UQCC1: variants seen among roughly 807,000 people sequenced by gnomAD.
The protein encoded by UQCC1 is ubiquinol-cytochrome c reductase complex assembly factor 1, also known as bFGF-repressed Zic-binding protein.
Under a neutral mutation model 48.0 loss-of-function variants are expected in UQCC1, and 38 were observed. That is an observed-to-expected ratio of 0.79 (90% CI 0.61 to 1.04). The LOEUF (loss-of-function observed/expected upper bound fraction) is 1.04. Ranked by LOEUF, UQCC1 falls within the 50% of genes least tolerant of loss-of-function variation. The probability of loss-of-function intolerance (pLI) is 0.00; values close to 1 mark genes in which losing one functional copy is unlikely to be tolerated. For synonymous variants in UQCC1, 111 were observed against 129.2 expected (o/e 0.86, Z 0.95); for missense variants, 368 against 381.8 (o/e 0.96, Z 0.30).
At chr20:35,337,860 T>C (rs988990893) in intron 7 of UQCC1, among the ~76,000 whole-genome samples, 1 of 152,142 alleles carries the variant, frequency 6.6e-6, no homozygotes, top group Admixed American at 6.5e-5. Flanking sequence ...TAATCCCACC[T>C]TTCTGCCTTT....
In UQCC1 at chr20:35,387,412, A is replaced by G. The variant is rs1161485630; in HGVS notation, c.130-3279T>C. ...TGTGTGTCTGCTCCTTTTAGCAACT[A>G]TAAGCTCCAGGGCACAGCCCATCTT... On this transcript the variant is annotated intron_variant, in intron 2 of 9. Transcript: ENST00000374385. Among the ~76,000 whole-genome samples, 3 of 152,186 alleles carry G rather than the reference A, an allele frequency of 2.0e-5. No homozygotes were observed. In the East Asian group the frequency reaches 5.8e-4, roughly 29 times the overall value.
rs987346137 is a variant in UQCC1, at chr20:35,365,154, T to C, written c.464+1403A>G. Among the ~76,000 whole-genome samples, 25 of 152,222 alleles carry C rather than the reference T, an allele frequency of 1.6e-4. 1 individual carries two copies. The highest frequency in any genetic ancestry group is 2.9e-5 in the Non-Finnish European group (2 of 68,044). On this transcript the variant is annotated intron_variant, in intron 6 of 9. Transcript: ENST00000374385. ...TTCAAAGAACTAACAGGTAGAAGTA[T>C]AAGGGTTTTGATAGTTGCAGCTTCC...
intron 3 of UQCC1, among the ~76,000 whole-genome samples, chr20:35,382,891 G>C (rs1041336734): frequency 5.3e-5 from 8 of 152,204 alleles, no homozygotes; most frequent in Middle Eastern, 3.4e-3. Context: ...CCAAATTTCA[G>C]AGCAAGACAT....
In UQCC1 at chr20:35,314,817, C is replaced by A. The variant is rs761010682; in HGVS notation, c.574-52G>T. The A allele has an allele frequency of 2.7e-6, 4 of 1,478,426 alleles. No individual in the cohort carries two copies. The Admixed American group carries it at 6.9e-5, about 25-fold the overall frequency. The allele number at this position is 1,478,426 out of a possible 1,614,324, so 91.6% of individuals were successfully genotyped here. A position where few individuals can be genotyped will look rare whatever the true frequency, so the allele number is the denominator to read the frequency against. On this transcript the variant is annotated intron_variant, in intron 7 of 9. Coordinates refer to ENST00000374385, the MANE Select transcript of UQCC1 (RefSeq NM_018244.5). ...AGTTTGAAAGAAAGAAAGAAAAAAA[C>A]CCAAAAAGTATGATCTTTGACTCTT...
chr20:35,388,794 G>A (rs1361026002), intron 2 of UQCC1, among the ~76,000 whole-genome samples: 1 of 152,206 alleles, frequency 6.6e-6, no homozygotes, highest in African/African-American at 2.4e-5. Context: ...GCTGGGTGCG[G>A]TGGCTCATGC....
Position 35,303,852 on chromosome 20 carries a change from C to T in UQCC1, c.*83G>A, listed in dbSNP as rs1278005699. On this transcript the variant is annotated 3_prime_UTR_variant, in exon 10 of 10. Transcript: ENST00000374385. ...TTCAGAGGTCAGTTCAGGCCACTTT[C>T]TGCAGGGTCCTGGACCAACAGGCAC... 2 of 1,596,300 alleles carry T rather than the reference C, an allele frequency of 1.3e-6. No individual in the cohort carries two copies. Among genetic ancestry groups the T allele is most frequent in the Non-Finnish European group, 1.7e-6 (2 of 1,166,836 alleles).
chr20:35,359,806 G>A (rs2061586307), intron 6 of UQCC1, among the ~76,000 whole-genome samples: 1 of 152,170 alleles, frequency 6.6e-6, no homozygotes, highest in Admixed American at 6.5e-5. Context: ...TCAAGCCCCA[G>A]CAGTGTGCTA....
At chr20:35,356,996 A>T (rs796551473) in intron 6 of UQCC1, among the ~76,000 whole-genome samples, 1 of 152,274 alleles carries the variant, frequency 6.6e-6, no homozygotes, top group Non-Finnish European at 1.5e-5. Flanking sequence ...TTCAACAGGT[A>T]CAACTCAGAG....
intron 8 of UQCC1, chr20:35,307,100 GAGAAACAGTAGC>G (rs961490146): frequency 4.9e-6 from 2 of 408,922 alleles, no homozygotes; most frequent in African/African-American, 4.1e-5. Context: ...AGGCTGAGAA[GAGAAACAGTAGC>G]AGCAATGCTC....
intron 2 of UQCC1, among the ~76,000 whole-genome samples, chr20:35,389,064 T>TA (rs1334132447): frequency 6.6e-6 from 1 of 151,492 alleles, no homozygotes; most frequent in African/African-American, 2.4e-5. Flanking sequence ...AGACTCCATC[T>TA]AAAAATAAAA....
At chr20:35,381,336 G>C (rs1361683805) in intron 4 of UQCC1, among the ~76,000 whole-genome samples, 3 of 152,256 alleles carry the variant, frequency 2.0e-5, no homozygotes, top group Middle Eastern at 3.4e-3. Flanking sequence ...TTGCCAATCA[G>C]AACATTTGGC....
intron 7 of UQCC1, among the ~76,000 whole-genome samples, chr20:35,316,784 GC>G (rs2061064364): frequency 6.8e-6 from 1 of 147,648 alleles, no homozygotes; most frequent in South Asian, 2.2e-4. Context: ...GACTACAGGT[GC>G]CCGCCACCAT....
At chr20:35,400,075 G>A (rs959105188) in intron 1 of UQCC1, among the ~76,000 whole-genome samples, 11 of 151,688 alleles carry the variant, frequency 7.3e-5, no homozygotes, top group Non-Finnish European at 1.5e-4. Context: ...AGAGCGGCGC[G>A]CTACCACGCC....
At position 35,303,993 on chromosome 20, in the gene UQCC1, T is replaced by G; in HGVS notation, c.842A>C (p.Lys281Thr). ...GGGCTTCAGGATGCTCTGAGGATTC[T>G]TCTCCACTAGAGGGCGCCAGCTCAC... ...GEVSWRPLVE[K>T]NPQSILKPHS... The change falls in exon 10 of 10, where the codon AAG (lysine) becomes ACG (threonine). Residue 281 changes from lysine to threonine, a missense_variant. Physicochemically the swap from Lys to Thr is moderately conservative, Grantham distance 78. Coordinates refer to ENST00000374385, the MANE Select transcript of UQCC1 (RefSeq NM_018244.5). The G allele has an allele frequency of 1.9e-6, 3 of 1,614,188 alleles. No individual in the cohort carries two copies. Among genetic ancestry groups the G allele is most frequent in the Non-Finnish European group, 2.5e-6 (3 of 1,180,018 alleles).
At chr20:35,365,952 C>A (rs1422651707) in intron 6 of UQCC1, among the ~76,000 whole-genome samples, 2 of 152,174 alleles carry the variant, frequency 1.3e-5, no homozygotes, top group Non-Finnish European at 2.9e-5. Flanking sequence ...CATTCCCCAG[C>A]CCCTGACTTC....
At chr20:35,352,065 G>T (rs768706952) in intron 6 of UQCC1, among the ~76,000 whole-genome samples, 1 of 152,258 alleles carries the variant, frequency 6.6e-6, no homozygotes, top group Non-Finnish European at 1.5e-5. Flanking sequence ...AGAGAAGAGT[G>T]CAATGAAGTT....
At chr20:35,327,053 G>A (rs1164314628) in intron 7 of UQCC1, among the ~76,000 whole-genome samples, 1 of 152,032 alleles carries the variant, frequency 6.6e-6, no homozygotes, top group Non-Finnish European at 1.5e-5. Flanking sequence ...ATATCATATT[G>A]CCCAGATGGC....
At chr20:35,408,960 T>C (rs1462887278) in intron 1 of UQCC1, among the ~76,000 whole-genome samples, 1 of 152,170 alleles carries the variant, frequency 6.6e-6, no homozygotes, top group Non-Finnish European at 1.5e-5. Context: ...AAATACTGTA[T>C]GATTCCACTT....
chr20:35,384,574 C>G (rs148810684), intron 2 of UQCC1: 3 of 433,030 alleles, frequency 6.9e-6, no homozygotes, highest in African/African-American at 4.2e-5. Context: ...CCCAGAAGAT[C>G]GAGGCTGCAG....
Sources: allele counts gnomAD v4.1 joint callset (sites outside exome capture counted in the v4.1 genomes callset), GRCh38; gene constraint gnomAD v4.1.1; transcripts MANE v1.5; gene names NCBI Gene and HGNC (gene_info 2026-07-23, HGNC 2026-07-21).